PPP2R5E: variants seen among roughly 807,000 people sequenced by gnomAD.
PPP2R5E encodes the protein serine/threonine-protein phosphatase 2A 56 kDa regulatory subunit epsilon isoform.
Under a neutral mutation model 65.3 loss-of-function variants are expected in PPP2R5E, and 4 were observed. That is an observed-to-expected ratio of 0.06 (90% CI 0.03 to 0.14). PPP2R5E has a LOEUF of 0.14. PPP2R5E is among the 10% of genes least tolerant of loss of function. The pLI is 1.00. For synonymous variants in PPP2R5E, 183 were observed against 187.4 expected (o/e 0.98, Z 0.19); for missense variants, 274 against 556.1 (o/e 0.49, Z 5.10).
chr14:63,509,267 CTTTT>C (rs10553696), intron 2 of PPP2R5E, among the ~76,000 whole-genome samples: 9,598 of 107,920 alleles, frequency 0.089, 264 homozygotes, highest in African/African-American at 0.15. Flanking sequence ...TTAAAATATC[CTTTT>C]TTTTTTTTTT....
chr14:63,430,006 T>A (rs1887550823), intron 3 of PPP2R5E, among the ~76,000 whole-genome samples: 1 of 152,206 alleles, frequency 6.6e-6, no homozygotes, highest in Non-Finnish European at 1.5e-5. Flanking sequence ...TAATATTTTA[T>A]GTTAGCACAA....
chr14:63,506,045 C>G (rs911723330), intron 2 of PPP2R5E, among the ~76,000 whole-genome samples: 16 of 152,028 alleles, frequency 1.1e-4, no homozygotes, highest in African/African-American at 3.6e-4. Context: ...TTGCATGCTT[C>G]AAAGGGCACC....
At chr14:63,403,424 A>C (rs2139824698) in intron 5 of PPP2R5E, among the ~76,000 whole-genome samples, 1 of 152,010 alleles carries the variant, frequency 6.6e-6, no homozygotes, top group East Asian at 1.9e-4. Context: ...AGGCAGAATA[A>C]AGACGTTTTC....
chr14:63,461,181 G>A lies in PPP2R5E; in HGVS notation c.158-7296C>T, dbSNP rs1889435881. ...TTCCTAAGGGCTTATTTCCAGGGCA[G>A]TAATGCCAGGAGGGAAAGAACCGAG... is the stretch of plus-strand genomic sequence containing the variant. On this transcript the variant is annotated intron_variant, in intron 2 of 13. Coordinates refer to ENST00000337537, the MANE Select transcript of PPP2R5E (RefSeq NM_006246.5). Among the ~76,000 whole-genome samples, 2 of 152,218 alleles carry A rather than the reference G, an allele frequency of 1.3e-5. 1 individual carries two copies. Among genetic ancestry groups the A allele is most frequent in the South Asian group, 4.1e-4 (2 of 4,836 alleles).
Position 63,484,357 on chromosome 14 carries a change from A to T in PPP2R5E, c.158-30472T>A, listed in dbSNP as rs978453410. ...CTTTCTCTCTCTCTCTCACACACAC[A>T]CACACACACACACACACACACACAC... On this transcript the variant is annotated intron_variant, in intron 2 of 13. Transcript: ENST00000337537. Among the ~76,000 whole-genome samples, 22 of 149,566 alleles carry T rather than the reference A, an allele frequency of 1.5e-4. No homozygotes were observed. In the Middle Eastern group the frequency reaches 0.01, roughly 70 times the overall value.
chr14:63,507,989 G>A (rs1234391851), intron 2 of PPP2R5E: 1 of 234,898 alleles, frequency 4.3e-6, no homozygotes, highest in Non-Finnish European at 7.0e-6. Flanking sequence ...CGGAGCCTCA[G>A]TTTGTATGAG....
chr14:63,391,623 A>C (rs1885028675), intron 10 of PPP2R5E, among the ~76,000 whole-genome samples, 194 bp downstream of exon 10: 1 of 152,094 alleles, frequency 6.6e-6, no homozygotes, highest in Non-Finnish European at 1.5e-5. Context: ...GGGTTTCTCC[A>C]TGTTGGTCAG....
intron 3 of PPP2R5E, among the ~76,000 whole-genome samples, chr14:63,434,701 G>A (rs919535183): frequency 2.6e-5 from 4 of 152,098 alleles, no homozygotes; most frequent in Non-Finnish European, 5.9e-5. Context: ...ACTCTCATTG[G>A]ACTCCATTTA....
intron 5 of PPP2R5E, among the ~76,000 whole-genome samples, chr14:63,402,004 G>A (rs1885780286): frequency 6.6e-6 from 1 of 152,198 alleles, no homozygotes; most frequent in Non-Finnish European, 1.5e-5. Context: ...CCCATGTGGT[G>A]TATTGATGAT....
chr14:63,523,191 A>G (rs1260518500), intron 2 of PPP2R5E, among the ~76,000 whole-genome samples: 3 of 149,658 alleles, frequency 2.0e-5, no homozygotes, highest in Non-Finnish European at 4.4e-5. Flanking sequence ...CCCGGCCACC[A>G]CCCCATCTGG....
rs1215290149 is a variant in PPP2R5E at position 63,374,686 on chromosome 14, TTTG to T, written c.*1320_*1322del. On this transcript the variant is annotated 3_prime_UTR_variant, in exon 14 of 14. Coordinates refer to ENST00000337537, the MANE Select transcript of PPP2R5E (RefSeq NM_006246.5). ...ATATATATAAAATACAGCCCTAGAT[TTTG>T]TTTTTTTTGTTTTTTTTTCTTAAAC... 49 of 100,186 alleles carry T rather than the reference TTTG, an allele frequency of 4.9e-4. No individual in the cohort carries two copies. The highest frequency in any genetic ancestry group is 3.0e-3 in the Admixed American group (31 of 10,408). 6.2% of individuals were successfully genotyped at this position (100,186 alleles called of 1,614,324 possible).
At chr14:63,507,829 C>T (rs138665574) in intron 2 of PPP2R5E, among the ~76,000 whole-genome samples, 44 of 152,140 alleles carry the variant, frequency 2.9e-4, no homozygotes, top group African/African-American at 1.0e-3. Context: ...CCGCCCACCT[C>T]GGCCTCCCAA....
intron 5 of PPP2R5E, among the ~76,000 whole-genome samples, chr14:63,414,042 G>A (rs144369640): frequency 1.3e-5 from 2 of 152,146 alleles, no homozygotes; most frequent in Admixed American, 6.5e-5. Context: ...CCTTACTTAG[G>A]ATGTAGAGAG....
At chr14:63,415,392 T>A (rs1886636399) in intron 4 of PPP2R5E, among the ~76,000 whole-genome samples, 160 bp from the exon 5 acceptor site, 1 of 152,120 alleles carries the variant, frequency 6.6e-6, no homozygotes, top group African/African-American at 2.4e-5. Context: ...TCACAGTTGC[T>A]GTTATGCTTT....
At chr14:63,462,366 A>T (rs1029246503) in intron 2 of PPP2R5E, among the ~76,000 whole-genome samples, 1 of 152,188 alleles carries the variant, frequency 6.6e-6, no homozygotes, top group Non-Finnish European at 1.5e-5. Context: ...CAGTGCACCC[A>T]GCCTTCAACT....
chr14:63,488,771 C>A (rs748787633), intron 2 of PPP2R5E, among the ~76,000 whole-genome samples: 4 of 151,942 alleles, frequency 2.6e-5, no homozygotes, highest in Non-Finnish European at 4.4e-5. Context: ...ATTGCTTGAA[C>A]CCAGGAGGCA....
chr14:63,392,030 G>A lies in PPP2R5E; in HGVS notation c.850-5C>T. 1 of 1,592,988 alleles carries A rather than the reference G, an allele frequency of 6.3e-7. No homozygotes were observed. On this transcript the variant is annotated splice_polypyrimidine_tract_variant and splice_region_variant and intron_variant, in intron 8 of 13. Coordinates refer to ENST00000337537, the MANE Select transcript of PPP2R5E (RefSeq NM_006246.5). ...CTGTACTATACAATATGCCAGCTGA[G>A]TAAAAAATAAAATAAAAGGCAAAAT... is the stretch of plus-strand genomic sequence containing the variant.
chr14:63,519,232 T>C (rs1892785026), intron 2 of PPP2R5E, among the ~76,000 whole-genome samples: 1 of 151,866 alleles, frequency 6.6e-6, no homozygotes, highest in Middle Eastern at 3.4e-3. Context: ...AAGAAAAAAA[T>C]ACGTAAACAT....
At chr14:63,539,501 G>C (rs1013257312) in intron 2 of PPP2R5E, 28 bp downstream of exon 2, 1 of 1,594,034 alleles carries the variant, frequency 6.3e-7, no homozygotes, top group Non-Finnish European at 8.5e-7. Context: ...AATTGAAAAA[G>C]AATGCATCAC....
Sources: allele counts gnomAD v4.1 joint callset (sites outside exome capture counted in the v4.1 genomes callset), GRCh38; gene constraint gnomAD v4.1.1; transcripts MANE v1.5; gene names NCBI Gene and HGNC (gene_info 2026-07-23, HGNC 2026-07-21).